The following SLC22A24 variants were observed in gnomAD, a reference collection of about 807,000 sequenced individuals.
The protein encoded by SLC22A24 is solute carrier family 22 member 24.
SLC22A24 carries 53 observed loss-of-function variants against 49.8 expected under a neutral mutation model. That is an observed-to-expected ratio of 1.06 (90% CI 0.85 to 1.34). The LOEUF is 1.34. SLC22A24 is among the 40% of genes most tolerant of loss of function. SLC22A24 has a pLI of 0.00. For missense variants in SLC22A24, 786 were observed against 675.9 expected (o/e 1.16, Z -1.81); for synonymous variants, 302 against 256.4 (o/e 1.18, Z -1.70).
chr11:63,133,542 A>C (rs985565580), intron 2 of SLC22A24, among the ~76,000 whole-genome samples: 2 of 152,196 alleles, frequency 1.3e-5, no homozygotes, highest in Admixed American at 6.5e-5. Flanking sequence ...TGCTTCAGTG[A>C]CAGCCATGGT....
chr11:63,099,402 T>G (rs1415957970), intron 5 of SLC22A24, among the ~76,000 whole-genome samples: 6 of 130,866 alleles, frequency 4.6e-5, no homozygotes, highest in East Asian at 4.7e-4. Flanking sequence ...TTTTTTTTTG[T>G]AGAGATAGGG....
At chr11:63,100,826 G>A (rs972443306) in intron 5 of SLC22A24, among the ~76,000 whole-genome samples, 1 of 152,070 alleles carries the variant, frequency 6.6e-6, no homozygotes, top group Non-Finnish European at 1.5e-5. Context: ...TCAATAAATG[G>A]TGCTGAGAAA....
At chr11:63,121,899 C>CT (rs147485453) in intron 2 of SLC22A24, among the ~76,000 whole-genome samples, 1 of 151,878 alleles carries the variant, frequency 6.6e-6, no homozygotes, top group Non-Finnish European at 1.5e-5. Flanking sequence ...ATATCACACA[C>CT]TTTTTTTAGC....
chr11:63,096,103 C>T lies in SLC22A24; in HGVS notation c.958G>A (p.Val320Met), dbSNP rs376030248. The change falls in exon 6 of 10, where the codon GTG becomes ATG. Residue 320 changes from valine (V) to methionine (M), a missense_variant. Val to Met is a conservative substitution (Grantham distance 21). Transcript: ENST00000612278. Reference protein sequence around the residue: ...NTEETLTTELVRSTMKKELDA... With the variant: ...NTEETLTTELMRSTMKKELDA... ...AACTCCTTCTTCATGGTGGATCTCACAAGCTTCAGCAACAAAAATAACAAC... is the reference window on the plus strand; with the variant it reads ...AACTCCTTCTTCATGGTGGATCTCATAAGCTTCAGCAACAAAAATAACAAC... 37 of 1,540,998 alleles carry T rather than the reference C, an allele frequency of 2.4e-5. 1 individual carries two copies. The Middle Eastern group carries it at 6.7e-4, about 28-fold the overall frequency.
intron 6 of SLC22A24, among the ~76,000 whole-genome samples, chr11:63,093,315 TATTTGACCCAGCAATCCCATTGC>T (rs2087032241): frequency 6.6e-6 from 1 of 152,020 alleles, no homozygotes; most frequent in South Asian, 2.1e-4. Context: ...CCAGAAATAT[TATTTGACCCAGCAATCCCATTGC>T]TGGGTATATA....
intron 1 of SLC22A24, among the ~76,000 whole-genome samples, chr11:63,136,239 C>T (rs1420981798): frequency 6.6e-6 from 1 of 152,054 alleles, no homozygotes; most frequent in Non-Finnish European, 1.5e-5. Flanking sequence ...CAAGGTGAAA[C>T]TTGCACGAAA....
At chr11:63,084,906 G>T (rs982349387) in intron 6 of SLC22A24, among the ~76,000 whole-genome samples, 1 of 151,656 alleles carries the variant, frequency 6.6e-6, no homozygotes, top group Non-Finnish European at 1.5e-5. Context: ...GTATTACTAA[G>T]ATGAGGCTAT....
In SLC22A24 at chr11:63,081,057, C is replaced by A; in HGVS notation, c.1461G>T (p.Met487Ile). 6.4e-7 allele frequency: 1 copy of A among 1,551,624 alleles called. No individual in the cohort carries two copies. Among genetic ancestry groups the A allele is most frequent in the Non-Finnish European group, 8.7e-7 (1 of 1,146,952 alleles). Residue 487 changes from methionine (M) to isoleucine (I), a missense_variant, in exon 9 of 10, where the codon ATG becomes ATT. Met to Ile is a conservative substitution (Grantham distance 10, BLOSUM62 1). Coordinates refer to ENST00000612278, the MANE Select transcript of SLC22A24 (RefSeq NM_001136506.2). ...RTGAALAPLL[M>I]TLMAYSPHLP... ...GGTGGGGAGAATACGCCATTAAGGT[C>A]ATCAACAGAGGAGCCAGTGCTGCCC...
chr11:63,097,663 C>CAAAT (rs2087063905), intron 5 of SLC22A24, among the ~76,000 whole-genome samples: 2 of 152,098 alleles, frequency 1.3e-5, no homozygotes, highest in Non-Finnish European at 2.9e-5. Flanking sequence ...GGAACCAACC[C>CAAAT]AAATGTGCAT....
chr11:63,101,239 A>G (rs7104560), intron 5 of SLC22A24, among the ~76,000 whole-genome samples: 151,907 of 152,116 alleles, frequency 1, 75,850 homozygotes, highest in Middle Eastern at 1. Flanking sequence ...TCACTACGGC[A>G]AATATTTTGG....
chr11:63,090,046 A>G (rs766808262), intron 6 of SLC22A24, among the ~76,000 whole-genome samples: 9 of 127,482 alleles, frequency 7.1e-5, no homozygotes, highest in Admixed American at 2.0e-4. Context: ...GGGCCACTGC[A>G]CTCCAGCCTG....
intron 1 of SLC22A24, among the ~76,000 whole-genome samples, chr11:63,140,603 A>T (rs758246957): frequency 3.3e-5 from 5 of 152,128 alleles, no homozygotes; most frequent in Non-Finnish European, 7.4e-5. Context: ...AAAGAATTAG[A>T]TCTTATCTTC....
chr11:63,087,924 CA>C (rs1371376711), intron 6 of SLC22A24, among the ~76,000 whole-genome samples: 1 of 152,210 alleles, frequency 6.6e-6, no homozygotes, highest in African/African-American at 2.4e-5. Context: ...GGTTTACAGA[CA>C]AAATCCTCAT....
At chr11:63,080,051 TAAGATA>T (rs1386879241) in intron 9 of SLC22A24, 51 bp from the exon 10 acceptor site, 1 of 1,231,650 alleles carries the variant, frequency 8.1e-7, no homozygotes, top group East Asian at 2.5e-5. Context: ...AAAAAATAAA[TAAGATA>T]TAGATTAAGC....
At chr11:63,102,217 A>G (rs939091851) in intron 5 of SLC22A24, among the ~76,000 whole-genome samples, 3 of 152,166 alleles carry the variant, frequency 2.0e-5, no homozygotes, top group Non-Finnish European at 2.9e-5. Context: ...ATAAATATTT[A>G]TAACTACTAT....
intron 9 of SLC22A24, among the ~76,000 whole-genome samples, chr11:63,080,396 C>T (rs2086952306): frequency 6.6e-6 from 1 of 152,180 alleles, no homozygotes. Context: ...AGAGGCATCC[C>T]AACAAGATCC....
At chr11:63,102,289 T>C (rs568798465) in intron 5 of SLC22A24, among the ~76,000 whole-genome samples, 16 of 152,226 alleles carry the variant, frequency 1.1e-4, no homozygotes, top group African/African-American at 3.9e-4. Flanking sequence ...TATGAAAACA[T>C]GGCCTAGAGA....
intron 2 of SLC22A24, among the ~76,000 whole-genome samples, chr11:63,131,952 A>T (rs2087339197): frequency 6.6e-6 from 1 of 152,092 alleles, no homozygotes; most frequent in Admixed American, 6.5e-5. Context: ...ACTTAGTCCC[A>T]TATTTCTTGA....
intron 1 of SLC22A24, among the ~76,000 whole-genome samples, chr11:63,138,845 C>A (rs970612944): frequency 6.7e-6 from 1 of 148,718 alleles, no homozygotes; most frequent in Non-Finnish European, 1.5e-5. Context: ...AAGGTTTTTT[C>A]CCCCCCATGG....
Sources: allele counts gnomAD v4.1 joint callset (sites outside exome capture counted in the v4.1 genomes callset), GRCh38; gene constraint gnomAD v4.1.1; transcripts MANE v1.5; gene names NCBI Gene and HGNC (gene_info 2026-07-23, HGNC 2026-07-21).